Variants in SPATA13 observed in about 807,000 individuals in gnomAD.
The protein encoded by SPATA13 is spermatogenesis associated 13, also known as spermatogenesis-associated protein 13.
A neutral mutation model predicts 104.0 loss-of-function variants in SPATA13; 50 were observed. The ratio of observed to expected loss-of-function variants is 0.48; its 90% CI spans 0.38 to 0.61. SPATA13 has a LOEUF of 0.61. SPATA13 is among the 20% of genes least tolerant of loss of function. The probability of loss-of-function intolerance (pLI) is 0.00; values close to 1 mark genes in which losing one functional copy is unlikely to be tolerated. For synonymous variants in SPATA13, 606 were observed against 667.5 expected (o/e 0.91, Z 1.42); for missense variants, 1,524 against 1,690.6 (o/e 0.90, Z 1.73).
chr13:23,980,245 T>C (rs1192806587), intron 1 of SPATA13, among the ~76,000 whole-genome samples: 1 of 151,242 alleles, frequency 6.6e-6, no homozygotes, highest in African/African-American at 2.4e-5. Flanking sequence ...GGTGAGCGCA[T>C]AGGGGCGCCG....
intron 3 of SPATA13, among the ~76,000 whole-genome samples, chr13:24,108,740 C>G (rs1301990577): frequency 6.6e-6 from 1 of 152,104 alleles, no homozygotes; most frequent in African/African-American, 2.4e-5. Context: ...CTCATCTCAC[C>G]TTTCAAGCCT....
chr13:24,049,417 C>T (rs1319786248), intron 3 of SPATA13, among the ~76,000 whole-genome samples: 2 of 152,210 alleles, frequency 1.3e-5, no homozygotes, highest in Admixed American at 6.5e-5. Context: ...CGTGCAGCCT[C>T]GCTGTTTGGT....
At chr13:24,030,390 A>AAGAT (rs1255432300) in intron 3 of SPATA13, among the ~76,000 whole-genome samples, 3 of 152,164 alleles carry the variant, frequency 2.0e-5, no homozygotes, top group African/African-American at 7.2e-5. Flanking sequence ...AGCCAAGACC[A>AAGAT]AGATAGGTCA....
chr13:24,168,237 A>G (rs1436223048), intron 1 of SPATA13, among the ~76,000 whole-genome samples: 1 of 152,202 alleles, frequency 6.6e-6, no homozygotes, highest in East Asian at 1.9e-4. Flanking sequence ...TGCCCTTGGA[A>G]TGAAGCCTGG....
chr13:24,277,166 C>T (rs181993127), intron 4 of SPATA13, among the ~76,000 whole-genome samples: 12 of 151,992 alleles, frequency 7.9e-5, no homozygotes, highest in Middle Eastern at 3.4e-3. Flanking sequence ...CACCTTGGGC[C>T]GGGCGCGGTG....
intron 3 of SPATA13, among the ~76,000 whole-genome samples, chr13:24,079,742 A>G (rs1483678747): frequency 6.6e-6 from 1 of 152,108 alleles, no homozygotes; most frequent in Non-Finnish European, 1.5e-5. Flanking sequence ...ATCATTAGTT[A>G]CAGCCTCCTG....
intron 3 of SPATA13, among the ~76,000 whole-genome samples, chr13:24,095,562 G>A (rs1880047171): frequency 6.6e-6 from 1 of 152,166 alleles, no homozygotes; most frequent in Non-Finnish European, 1.5e-5. Context: ...AAATGGTTAT[G>A]ATGGTAAATA....
chr13:24,226,044 T>C (rs1180430508), intron 2 of SPATA13, among the ~76,000 whole-genome samples: 2 of 152,184 alleles, frequency 1.3e-5, no homozygotes, highest in African/African-American at 4.8e-5. Flanking sequence ...AGGCAGGTAG[T>C]CCCAATGAGT....
chr13:24,141,774 G>C (rs1881770764), intron 3 of SPATA13, among the ~76,000 whole-genome samples: 1 of 152,216 alleles, frequency 6.6e-6, no homozygotes, highest in Non-Finnish European at 1.5e-5. Context: ...GAAAGATCGA[G>C]AGCTATCATT....
chr13:24,154,073 A>T (rs935968718), intron 3 of SPATA13, among the ~76,000 whole-genome samples: 2 of 152,180 alleles, frequency 1.3e-5, no homozygotes, highest in African/African-American at 2.4e-5. Context: ...GTGGGGGACC[A>T]TGTAGAACTC....
upstream of SPATA13, among the ~76,000 whole-genome samples, chr13:24,157,580 G>A (rs540968913): frequency 2.0e-5 from 3 of 152,286 alleles, no homozygotes; most frequent in East Asian, 3.9e-4. Flanking sequence ...GATTACAGGC[G>A]TGAGCCACGT....
intron 1 of SPATA13, among the ~76,000 whole-genome samples, chr13:24,213,020 T>A (rs1871109080): frequency 6.6e-6 from 1 of 152,172 alleles, no homozygotes; most frequent in Non-Finnish European, 1.5e-5. Context: ...GCAGAGGAAG[T>A]TACAGTGATG....
intron 3 of SPATA13, among the ~76,000 whole-genome samples, chr13:24,022,708 T>C (rs1192624367): frequency 6.6e-6 from 1 of 152,228 alleles, no homozygotes; most frequent in African/African-American, 2.4e-5. Context: ...TTAGCTCTTA[T>C]GTTTTCTGGC....
intron 1 of SPATA13, among the ~76,000 whole-genome samples, chr13:24,180,799 T>C (rs1399207891): frequency 6.6e-6 from 1 of 152,174 alleles, no homozygotes; most frequent in Non-Finnish European, 1.5e-5. Flanking sequence ...TATAGACATG[T>C]GATGGATTTT....
chr13:24,110,757 G>A (rs1050292920), intron 3 of SPATA13, among the ~76,000 whole-genome samples: 1 of 152,164 alleles, frequency 6.6e-6, no homozygotes, highest in Non-Finnish European at 1.5e-5. Flanking sequence ...AATAATTGTA[G>A]AAACTGTAAA....
chr13:24,273,501 G>C (rs901283362), intron 4 of SPATA13, among the ~76,000 whole-genome samples: 2 of 152,172 alleles, frequency 1.3e-5, no homozygotes, highest in African/African-American at 4.8e-5. Context: ...GTCTAGATTA[G>C]ATATACTAGT....
At chr13:24,096,221 A>G (rs1254318678) in intron 3 of SPATA13, among the ~76,000 whole-genome samples, 5 of 151,916 alleles carry the variant, frequency 3.3e-5, no homozygotes, top group African/African-American at 9.7e-5. Context: ...TGGAGCTTAT[A>G]GTCTCGGGAG....
Position 24,297,568 on chromosome 13 carries a change from A to T in SPATA13, c.3416A>T (p.Asp1139Val). The stretch of plus-strand genomic sequence containing the variant: ...GAGATGGAGCTTGTGGACCTGGGGG[A>T]TGGGCGCGACAAGGACTGCAACCTC... ...MDEMELVDLGDGRDKDCNLSV... is the reference protein window; with the variant it reads ...MDEMELVDLGVGRDKDCNLSV... Residue 1139 changes from aspartate (D) to valine (V), a missense_variant, in exon 11 of 13, where the codon GAT (aspartate) becomes GTT (valine). By Grantham distance (152) the Asp-to-Val change is radical (BLOSUM62 -3). Transcript: ENST00000382108. 1 of 1,614,100 alleles carries T rather than the reference A, an allele frequency of 6.2e-7. No individual in the cohort carries two copies. Among genetic ancestry groups the T allele is most frequent in the South Asian group, 1.1e-5 (1 of 91,070 alleles).
At chr13:24,294,127 C>T (rs771816980) in intron 9 of SPATA13, among the ~76,000 whole-genome samples, 17 of 152,232 alleles carry the variant, frequency 1.1e-4, no homozygotes, top group East Asian at 7.7e-4. Context: ...ACAGTTTTAG[C>T]GGGCTTGGGA....
Sources: gnomAD v4.1 joint callset for allele counts (sites outside exome capture counted in the v4.1 genomes callset) on GRCh38, gnomAD v4.1.1 for gene constraint, MANE v1.5 for transcripts, NCBI Gene and HGNC (gene_info 2026-07-23, HGNC 2026-07-21) for gene names.